Variants in LTBP4 observed in about 807,000 individuals in gnomAD.
LTBP4 encodes latent transforming growth factor beta binding protein 4.
A neutral mutation model predicts 180.2 loss-of-function variants in LTBP4; 93 were observed. The observed-to-expected ratio is 0.52, with a 90% CI of 0.44 to 0.61. The LOEUF is 0.61. Ranked by LOEUF, LTBP4 falls within the 20% of genes least tolerant of loss-of-function variation. The pLI is 0.00. For synonymous variants in LTBP4, 947 were observed against 934.5 expected, an observed-to-expected ratio of 1.01 and a Z score of -0.24; for missense variants, 2,116 against 2,256.5, an observed-to-expected ratio of 0.94 and a Z score of 1.26.
intron 26 of LTBP4, among the ~76,000 whole-genome samples, chr19:40,624,415 C>T (rs1212892912): frequency 6.6e-6 from 1 of 152,222 alleles, no homozygotes; most frequent in Non-Finnish European, 1.5e-5. Context: ...TTTTTTGAGA[C>T]GGAGTTTCGC....
At chr19:40,606,109 G>A (rs1245732621) in intron 4 of LTBP4, 124 bp from the exon 5 acceptor site, 4 of 951,610 alleles carry the variant, frequency 4.2e-6, no homozygotes, top group Non-Finnish European at 4.9e-6. Flanking sequence ...GCCAACCTAA[G>A]GCTGTCCCTG....
At position 40,606,313 on chromosome 19, in the gene LTBP4, A is replaced by G. The variant is rs747558237; in HGVS notation, c.868+6A>G. On this transcript the variant is annotated splice_donor_region_variant and intron_variant, in intron 5 of 29. Coordinates refer to ENST00000396819, the MANE Select transcript of LTBP4 (RefSeq NM_001042545.2). ...AGTTAATGGGTCCTGCGAAGGTGCA[A>G]CGGGGCAGGGGTGGGAGGGGCTTGG... is the stretch of plus-strand genomic sequence containing the variant. 11 of 1,586,666 alleles carry G rather than the reference A, an allele frequency of 6.9e-6. No individual in the cohort carries two copies. The highest frequency in any genetic ancestry group is 1.7e-4 in the Middle Eastern group (1 of 6,046).
chr19:40,597,797 G>C (rs1057351895), upstream of LTBP4, among the ~76,000 whole-genome samples: 1 of 151,924 alleles, frequency 6.6e-6, no homozygotes, highest in Non-Finnish European at 1.5e-5. Context: ...AGGCCGCTGA[G>C]TTGTCCTGGT....
intron 1 of LTBP4, among the ~76,000 whole-genome samples, chr19:40,603,230 T>C (rs1303561387): frequency 6.6e-6 from 1 of 152,222 alleles, no homozygotes; most frequent in African/African-American, 2.4e-5. Flanking sequence ...TGATCCCATT[T>C]ATCTTCAGAG....
At position 40,623,658 on chromosome 19, in the gene LTBP4, T is replaced by C; in HGVS notation, c.3611T>C (p.Val1204Ala). 1 of 1,613,830 alleles carries C rather than the reference T, an allele frequency of 6.2e-7. No individual in the cohort carries two copies. Among genetic ancestry groups the C allele is most frequent in the Non-Finnish European group, 8.5e-7 (1 of 1,179,874 alleles). Reference protein sequence around the residue: ...RDQVCKSGVCVNTAPGYSCYC... With the variant: ...RDQVCKSGVCANTAPGYSCYC... ...CAGGTGTGCAAGAGTGGCGTGTGTGTGAACACGGCCCCGGGCTACTCATGC... is the reference window on the plus strand; with the variant it reads ...CAGGTGTGCAAGAGTGGCGTGTGTGCGAACACGGCCCCGGGCTACTCATGC... The change falls in exon 25 of 30, where the codon GTG becomes GCG. Residue 1204 changes from valine to alanine, a missense_variant. Val to Ala is a moderately conservative substitution (Grantham distance 64, BLOSUM62 0). Around this residue, in one of 5 missense-constraint regions of LTBP4, gnomAD observed 278 missense variants for 373.0 expected, o/e 0.75. Coordinates refer to ENST00000396819, the MANE Select transcript of LTBP4 (RefSeq NM_001042545.2).
chr19:40,620,989 T>C (rs2081582837), intron 22 of LTBP4, among the ~76,000 whole-genome samples: 1 of 151,048 alleles, frequency 6.6e-6, no homozygotes, highest in African/African-American at 2.4e-5. Flanking sequence ...TTGCCCAGGC[T>C]AGAGTGCAGT....
At chr19:40,612,224 C>A in intron 15 of LTBP4, 32 bp downstream of exon 15, 1 of 1,562,200 alleles carries the variant, frequency 6.4e-7, no homozygotes, top group Non-Finnish European at 8.7e-7. Context: ...GACCTTGGGC[C>A]TGCATCATGA....
At chr19:40,623,458 A>T in intron 24 of LTBP4, 146 bp from the exon 25 acceptor site, 1 of 1,030,996 alleles carries the variant, frequency 9.7e-7, no homozygotes, top group Non-Finnish European at 1.4e-6. Flanking sequence ...TTCAGGCATG[A>T]GCCACCGCTC....
chr19:40,618,076 T>G (rs917526617), intron 21 of LTBP4, among the ~76,000 whole-genome samples: 4 of 151,856 alleles, frequency 2.6e-5, no homozygotes, highest in African/African-American at 4.8e-5. Context: ...TTTTTTTTTT[T>G]ACTTTGAGGT....
chr19:40,611,561 A>T lies in LTBP4; in HGVS notation c.2053+167A>T, dbSNP rs1183582200. The stretch of plus-strand genomic sequence containing the variant: ...TTCTCTCCTTTCAACAAAATAAGGC[A>T]GTCCTCCCCACCCCTCCTCCCTTTT... On this transcript the variant is annotated intron_variant, in intron 13 of 29. Coordinates refer to ENST00000396819, the MANE Select transcript of LTBP4 (RefSeq NM_001042545.2). This position sits in a 1 kb window ranked among gnomAD's most constrained non-coding sequence, Gnocchi z 4.4. Among the ~76,000 whole-genome samples the T allele has an allele frequency of 6.6e-6, 1 of 152,174 alleles. No individual in the cohort carries two copies. Among genetic ancestry groups the T allele is most frequent in the African/African-American group, 2.4e-5 (1 of 41,432 alleles).
intron 21 of LTBP4, among the ~76,000 whole-genome samples, chr19:40,618,798 A>C (rs2081567056): frequency 6.6e-6 from 1 of 152,218 alleles, no homozygotes; most frequent in East Asian, 1.9e-4. Context: ...AGGGAATTAA[A>C]ACTATAAAGT....
At position 40,606,206 on chromosome 19, in the gene LTBP4, T is replaced by G; in HGVS notation, c.794-27T>G. ...CATTCTCGCTCTGCCCACCTGTCCC[T>G]GGCCCACCCCTCTCCTCTCGCCACA... On this transcript the variant is annotated intron_variant, in intron 4 of 29. Transcript: ENST00000396819. 1.9e-6 allele frequency: 3 copies of G among 1,563,952 alleles called. No homozygotes were observed. The East Asian group carries it at 7.1e-5, about 37-fold the overall frequency.
chr19:40,625,271 TATATATATATATATATATATATATA>T (rs2081617946), intron 26 of LTBP4, among the ~76,000 whole-genome samples: 1 of 5,850 alleles, frequency 1.7e-4, no homozygotes, highest in Non-Finnish European at 3.2e-4. Context: ...TATATATATA[TATATATATATATATATATATATATA>T]TATATATATA....
chr19:40,628,368 G>A (rs546824680), intron 29 of LTBP4, among the ~76,000 whole-genome samples: 3 of 152,256 alleles, frequency 2.0e-5, no homozygotes, highest in South Asian at 2.1e-4. Context: ...GTGAAACCCC[G>A]TCTCTAAAAA....
upstream of LTBP4, chr19:40,599,438 A>C: frequency 6.2e-7 from 1 of 1,613,848 alleles, no homozygotes. Flanking sequence ...CAGGGTCCGA[A>C]GCTGCCAGCC....
chr19:40,599,843 G>A (rs2081411453), upstream of LTBP4: 1 of 541,376 alleles, frequency 1.8e-6, no homozygotes, highest in Non-Finnish European at 3.2e-6. Context: ...CTATGTCTAA[G>A]TCTCTCTGCC....
At chr19:40,614,491 G>T in intron 19 of LTBP4, 45 bp downstream of exon 19, 1 of 1,574,260 alleles carries the variant, frequency 6.4e-7, no homozygotes, top group Non-Finnish European at 8.6e-7. Context: ...GCAACGCGGT[G>T]CTGGAGGCTG....
At chr19:40,602,145 TTGTG>T (rs751242257) in intron 1 of LTBP4, among the ~76,000 whole-genome samples, 1,989 of 81,762 alleles carry the variant, frequency 0.024, 33 homozygotes, top group South Asian at 0.062. Flanking sequence ...GAGACGGGGG[TTGTG>T]TGTGTGTGTG....
At position 40,629,444 on chromosome 19, in the gene LTBP4, A is replaced by T; in HGVS notation, c.4568A>T (p.Asn1523Ile). 6 of 1,612,518 alleles carry T rather than the reference A, an allele frequency of 3.7e-6. No individual in the cohort carries two copies. The highest frequency in any genetic ancestry group is 5.1e-6 in the Non-Finnish European group (6 of 1,179,394). The change falls in exon 30 of 30, where the codon AAC becomes ATC. Residue 1523 changes from asparagine to isoleucine, a missense_variant. By Grantham distance (149) the Asn-to-Ile change is moderately radical. Coordinates refer to ENST00000396819, the MANE Select transcript of LTBP4 (RefSeq NM_001042545.2). This position sits in a 1 kb window ranked among gnomAD's most constrained non-coding sequence, Gnocchi z 4.5. ...EAEAASPLCV[N>I]ARCLNTDGSF... ...GAGGCTGCCTCCCCGCTGTGCGTCAACGCGCGTTGCCTCAACACGGATGGC... is the reference window on the plus strand; with the variant it reads ...GAGGCTGCCTCCCCGCTGTGCGTCATCGCGCGTTGCCTCAACACGGATGGC...
Sources: allele counts gnomAD v4.1 joint callset (sites outside exome capture counted in the v4.1 genomes callset), GRCh38; gene constraint gnomAD v4.1.1; regional missense constraint gnomAD v4.1.1; non-coding constraint Gnocchi (gnomAD v3.1); transcripts MANE v1.5; gene names NCBI Gene and HGNC (gene_info 2026-07-23, HGNC 2026-07-21).